NAALADL2: variants seen among roughly 807,000 people sequenced by gnomAD.
The protein encoded by NAALADL2 is N-acetylated alpha-linked acidic dipeptidase like 2.
In NAALADL2, 76 loss-of-function variants were observed where a neutral mutation model predicts 87.2. The ratio of observed to expected loss-of-function variants is 0.87; its 90% CI spans 0.72 to 1.05. NAALADL2 has a LOEUF of 1.05. Among genes scored for constraint, NAALADL2 ranks in the 50% least tolerant of loss-of-function variants. The probability of loss-of-function intolerance (pLI) is 0.00; values close to 1 mark genes in which losing one functional copy is unlikely to be tolerated. For synonymous variants in NAALADL2, 354 were observed against 331.0 expected (o/e 1.07, Z -0.75); for missense variants, 1,089 against 945.8 (o/e 1.15, Z -1.99).
intron 5 of NAALADL2, among the ~76,000 whole-genome samples, chr3:175,326,747 A>G (rs1186712773): frequency 6.6e-6 from 1 of 152,174 alleles, no homozygotes; most frequent in Non-Finnish European, 1.5e-5. Context: ...GAAAGGGCCA[A>G]ACTCACTTTT....
chr3:175,462,268 A>T (rs963860009), intron 6 of NAALADL2, among the ~76,000 whole-genome samples: 1 of 152,162 alleles, frequency 6.6e-6, no homozygotes, highest in Non-Finnish European at 1.5e-5. Flanking sequence ...TTAATTGAAA[A>T]ACAAACGAAA....
At chr3:174,710,948 G>A (rs1165617630) in intron 2 of NAALADL2, among the ~76,000 whole-genome samples, 3 of 152,134 alleles carry the variant, frequency 2.0e-5, no homozygotes, top group African/African-American at 7.2e-5. Context: ...ATTGTTTGAA[G>A]CCACTGTTTG....
chr3:174,546,898 A>T (rs1344437691), intron 1 of NAALADL2, among the ~76,000 whole-genome samples: 6 of 152,044 alleles, frequency 3.9e-5, no homozygotes. Flanking sequence ...AATCTCTTGA[A>T]TATTGTATCT....
At chr3:174,792,879 T>G (rs1455338289) in intron 3 of NAALADL2, among the ~76,000 whole-genome samples, 1 of 152,180 alleles carries the variant, frequency 6.6e-6, no homozygotes, top group Non-Finnish European at 1.5e-5. Context: ...AAGTCCCCTC[T>G]GTCTAGAATG....
At chr3:175,509,429 C>T (rs1730824668) in intron 9 of NAALADL2, among the ~76,000 whole-genome samples, 1 of 152,182 alleles carries the variant, frequency 6.6e-6, no homozygotes, top group African/African-American at 2.4e-5. Flanking sequence ...GGATATGTAG[C>T]TCATTGTACA....
intron 11 of NAALADL2, among the ~76,000 whole-genome samples, chr3:175,685,622 A>C (rs1211523424): frequency 1.3e-5 from 2 of 152,100 alleles, no homozygotes; most frequent in African/African-American, 4.8e-5. Context: ...AGCAAGCTGA[A>C]GACCCAGGAG....
At chr3:175,364,709 C>CT (rs902774678) in intron 5 of NAALADL2, among the ~76,000 whole-genome samples, 13 of 146,730 alleles carry the variant, frequency 8.9e-5, no homozygotes, top group Middle Eastern at 3.5e-3. Context: ...CAAAGAGACC[C>CT]TTTTTTTTGA....
chr3:175,024,903 T>C (rs1049816006), intron 1 of NAALADL2, among the ~76,000 whole-genome samples: 5 of 152,102 alleles, frequency 3.3e-5, no homozygotes, highest in South Asian at 2.1e-4. Context: ...CTGAGACTGG[T>C]ATCGCCACCC....
chr3:174,584,111 A>C (rs750311155), intron 2 of NAALADL2, among the ~76,000 whole-genome samples: 7 of 152,270 alleles, frequency 4.6e-5, no homozygotes, highest in Admixed American at 3.3e-4. Context: ...GCTAAGATAT[A>C]AAGTATAATT....
rs138636763 is a variant in NAALADL2, at chr3:175,748,196, G to A, written c.1991-7024G>A. Among the ~76,000 whole-genome samples the A allele has an allele frequency of 2.4e-3, 360 of 152,042 alleles. 2 individuals carry two copies. The highest frequency in any genetic ancestry group is 8.3e-3 in the African/African-American group (346 of 41,482). On this transcript the variant is annotated intron_variant, in intron 12 of 13. Coordinates refer to ENST00000454872, the MANE Select transcript of NAALADL2 (RefSeq NM_207015.3). ...GTTAGATTATTTGAGTATCAATAGC[G>A]CAATCGCTCTCACATTTTTTCACTA...
At chr3:175,636,794 T>A (rs1483373211) in intron 11 of NAALADL2, among the ~76,000 whole-genome samples, 1 of 152,114 alleles carries the variant, frequency 6.6e-6, no homozygotes, top group African/African-American at 2.4e-5. Flanking sequence ...AGCATGTATA[T>A]TAGCTGATAC....
chr3:175,794,382 T>TG (rs1438338472), intron 13 of NAALADL2, among the ~76,000 whole-genome samples: 5 of 115,204 alleles, frequency 4.3e-5, no homozygotes, highest in African/African-American at 3.1e-4. Flanking sequence ...TAAATGAGTG[T>TG]GGAAAAAAAA....
chr3:175,038,348 A>T (rs965927322), intron 1 of NAALADL2, among the ~76,000 whole-genome samples: 1 of 152,188 alleles, frequency 6.6e-6, no homozygotes, highest in African/African-American at 2.4e-5. Context: ...AAATGAATTT[A>T]CTGACACTTT....
In NAALADL2 at chr3:175,396,577, A is replaced by C. The variant is rs560257997; in HGVS notation, c.1091-50652A>C. Among the ~76,000 whole-genome samples, 49 of 152,130 alleles carry C rather than the reference A, an allele frequency of 3.2e-4. 2 individuals carry two copies. In the South Asian group the frequency reaches 7.9e-3, roughly 24 times the overall value. On this transcript the variant is annotated intron_variant, in intron 5 of 13. Transcript: ENST00000454872. ...TGCATTAAGTCCCAAAGCAACTGTC[A>C]TCATGCACTAGAGACGCCAGAAATC...
intron 2 of NAALADL2, among the ~76,000 whole-genome samples, chr3:174,665,834 G>C (rs491606): frequency 0.65 from 98,162 of 152,100 alleles, 32,348 homozygotes; most frequent in Admixed American, 0.73. Context: ...TGCCTCTCTC[G>C]TAGTTTCTTG....
intron 10 of NAALADL2, among the ~76,000 whole-genome samples, chr3:175,614,406 C>T (rs116423095): frequency 0.019 from 2,903 of 152,244 alleles, 84 homozygotes; most frequent in African/African-American, 0.066. Flanking sequence ...TTTTGAATGA[C>T]ACTTGGCTTG....
At chr3:174,990,653 A>G (rs1006325715) in intron 1 of NAALADL2, among the ~76,000 whole-genome samples, 1 of 152,182 alleles carries the variant, frequency 6.6e-6, no homozygotes, top group Non-Finnish European at 1.5e-5. Flanking sequence ...AAAAATTTCT[A>G]AAGCTCGAAA....
At chr3:175,406,581 T>C (rs1712417528) in intron 5 of NAALADL2, among the ~76,000 whole-genome samples, 1 of 152,206 alleles carries the variant, frequency 6.6e-6, no homozygotes, top group Non-Finnish European at 1.5e-5. Flanking sequence ...TATAAATATG[T>C]CTTTATTACC....
At chr3:175,427,866 C>A (rs1717086649) in intron 5 of NAALADL2, among the ~76,000 whole-genome samples, 1 of 152,086 alleles carries the variant, frequency 6.6e-6, no homozygotes, top group African/African-American at 2.4e-5. Context: ...GAATCATACC[C>A]TTGTAACATA....
Sources: gnomAD v4.1 joint callset for allele counts (sites outside exome capture counted in the v4.1 genomes callset) on GRCh38, gnomAD v4.1.1 for gene constraint, MANE v1.5 for transcripts, NCBI Gene and HGNC (gene_info 2026-07-23, HGNC 2026-07-21) for gene names.